Variants in BBS1 observed in about 807,000 individuals in gnomAD.
BBS1 encodes BBSome complex member BBS1.
In BBS1, 60 loss-of-function variants were observed where a neutral mutation model predicts 73.9. The ratio of observed to expected loss-of-function variants is 0.81; its 90% CI spans 0.66 to 1.01. The LOEUF is 1.01. Among genes scored for constraint, BBS1 ranks in the 50% least tolerant of loss-of-function variants. The pLI, the probability that BBS1 is intolerant of heterozygous loss-of-function variation, is 0.00. For synonymous variants in BBS1, 283 were observed against 317.4 expected (o/e 0.89, Z 1.15); for missense variants, 718 against 770.3 (o/e 0.93, Z 0.80).
At chr11:66,526,243 A>C (rs751173108) in intron 12 of BBS1, 51 bp downstream of exon 12, 10 of 1,552,966 alleles carry the variant, frequency 6.4e-6, no homozygotes, top group Non-Finnish European at 7.1e-6. Context: ...GTGAAGGGAC[A>C]GGCCTGCTTC....
Position 66,523,709 on chromosome 11 carries a change from G to A in BBS1, c.952-15G>A, listed in dbSNP as rs1856352205. 1.2e-6 allele frequency: 2 copies of A among 1,610,310 alleles called. No homozygotes were observed. Among genetic ancestry groups the A allele is most frequent in the African/African-American group, 1.3e-5 (1 of 74,936 alleles). On this transcript the variant is annotated splice_polypyrimidine_tract_variant and intron_variant, in intron 10 of 16. Transcript: ENST00000318312. ...AGCCCTGAGCCCTCCACAGACGCTG[G>A]CTGTTCCCTGCCAGGGGAAGAAGCT...
At chr11:66,514,085 G>A (rs1856001710) in intron 3 of BBS1, among the ~76,000 whole-genome samples, 1 of 152,174 alleles carries the variant, frequency 6.6e-6, no homozygotes, top group African/African-American at 2.4e-5. Context: ...AGAAGTGCCT[G>A]GTGTGGAAGA....
chr11:66,513,838 G>C (rs1044125813), intron 3 of BBS1, among the ~76,000 whole-genome samples: 2 of 152,182 alleles, frequency 1.3e-5, no homozygotes, highest in Non-Finnish European at 2.9e-5. Flanking sequence ...AACAAGTTGG[G>C]AACTAGATCA....
intron 14 of BBS1, 93 bp from the exon 15 acceptor site, chr11:66,530,801 T>A (rs1334966627): frequency 3.2e-6 from 5 of 1,550,088 alleles, no homozygotes; most frequent in Non-Finnish European, 4.5e-6. Flanking sequence ...GGAGGGGACA[T>A]GAGGGCATTG....
rs530869450 is a variant in BBS1, at chr11:66,523,298, A to G, written c.831-158A>G. On this transcript the variant is annotated intron_variant, in intron 9 of 16. Coordinates refer to ENST00000318312, the MANE Select transcript of BBS1 (RefSeq NM_024649.5). Reference sequence around the variant, plus strand: ...CACTTGATGTTTTCCAAGGCCACACATTTACTAAGGTGGCAGAAGTGGAAA... The same window carrying G: ...CACTTGATGTTTTCCAAGGCCACACGTTTACTAAGGTGGCAGAAGTGGAAA... 58 of 1,022,522 alleles carry G rather than the reference A, an allele frequency of 5.7e-5. No homozygotes were observed. The African/African-American group carries it at 8.7e-4, about 15-fold the overall frequency. The allele number at this position is 1,022,522 out of a possible 1,614,324, so 63.3% of individuals were successfully genotyped here.
chr11:66,511,488 A>C (rs1855946697), intron 3 of BBS1, among the ~76,000 whole-genome samples: 1 of 152,212 alleles, frequency 6.6e-6, no homozygotes, highest in African/African-American at 2.4e-5. Flanking sequence ...CCTCTTAGTT[A>C]ACCTGATTTC....
Position 66,531,010 on chromosome 11 carries a change from G to T in BBS1, c.1590G>T (p.Leu530=). 1 of 1,614,226 alleles carries T rather than the reference G, an allele frequency of 6.2e-7. No homozygotes were observed. The highest frequency in any genetic ancestry group is 8.5e-7 in the Non-Finnish European group (1 of 1,180,036). ...TGTACAACGAGGCGCTCTATTCCCT[G>T]CCCCGGGCCTTCTTCAAGGTACTGG... ...CFLYNEALYS[L]PRAFFKVPLL... The change falls in exon 15 of 17, where the codon CTG becomes CTT. Residue 530 remains leucine (L), a synonymous_variant. Coordinates refer to ENST00000318312, the MANE Select transcript of BBS1 (RefSeq NM_024649.5).
intron 16 of BBS1, 56 bp downstream of exon 16, chr11:66,531,798 A>G (rs1236378794): frequency 2.5e-6 from 4 of 1,613,490 alleles, no homozygotes; most frequent in Non-Finnish European, 3.4e-6. Context: ...GGAGGACAGT[A>G]AGGGTGAGTG....
Position 66,523,751 on chromosome 11 carries a change from C to G in BBS1, c.979C>G (p.Pro327Ala). The G allele has an allele frequency of 6.2e-7, 1 of 1,612,346 alleles. No homozygotes were observed. Among genetic ancestry groups the G allele is most frequent in the Non-Finnish European group, 8.5e-7 (1 of 1,180,018 alleles). The change falls in exon 11 of 17, where the codon CCC becomes GCC. Residue 327 changes from proline (P) to alanine (A), a missense_variant. Physicochemically the swap from Pro to Ala is conservative, Grantham distance 27. Transcript: ENST00000318312. ...KGKKLWTVQM[P>A]AAILTMNLLE... ...GAAGAAGCTGTGGACAGTGCAGATG[C>G]CCGCAGCCATCCTGACCATGAACCT...
chr11:66,516,345 C>T (rs952724847), intron 7 of BBS1, among the ~76,000 whole-genome samples: 2 of 152,028 alleles, frequency 1.3e-5, no homozygotes, highest in Admixed American at 6.6e-5. Flanking sequence ...AGGCTGGTCT[C>T]GAACTCCTGA....
chr11:66,531,606 A>G (rs1856782933), intron 15 of BBS1, 50 bp from the exon 16 acceptor site: 2 of 1,613,306 alleles, frequency 1.2e-6, no homozygotes, highest in East Asian at 4.5e-5. Context: ...GGAATATGCC[A>G]AACACTGGCA....
Position 66,512,030 on chromosome 11 carries a change from A to ATGTATATGTATATATATG in BBS1, c.159+798_159+799insGTATATATATGTGTATAT, listed in dbSNP as rs1565280734. 8.4e-4 allele frequency among the ~76,000 whole-genome samples: 121 copies of ATGTATATGTATATATATG among 144,858 alleles called. 1 individual carries two copies. The highest frequency in any genetic ancestry group is 3.0e-3 in the African/African-American group (116 of 39,078). ...TATATATATATATATGTGTATATAT[A>ATGTATATGTATATATATG]TGTATATATATGTATATATATGTGT... On this transcript the variant is annotated intron_variant, in intron 3 of 16. Transcript: ENST00000318312.
At chr11:66,519,860 C>G in intron 8 of BBS1, 112 bp downstream of exon 8, 1 of 1,399,454 alleles carries the variant, frequency 7.1e-7, no homozygotes, top group Non-Finnish European at 9.8e-7. Flanking sequence ...AAATTAGAAA[C>G]TAGATAAGCA....
At position 66,524,089 on chromosome 11, in the gene BBS1, A is replaced by G. The variant is rs1791683; in HGVS notation, c.1110+207A>G. 0.57 allele frequency: 384,671 copies of G among 674,796 alleles called. 115,061 individuals carry two copies. The highest frequency in any genetic ancestry group is 0.89 in the African/African-American group (50,196 of 56,410). 41.8% of individuals were successfully genotyped at this position (674,796 alleles called of 1,614,324 possible). Reference sequence around the variant, plus strand: ...GAGGTAAGGAGTTCAAAACCAGCCTAGCCAACATGGCATAACCCCCTTGCT... The same window carrying G: ...GAGGTAAGGAGTTCAAAACCAGCCTGGCCAACATGGCATAACCCCCTTGCT... On this transcript the variant is annotated intron_variant, in intron 11 of 16. Transcript: ENST00000318312.
chr11:66,513,643 C>T (rs886786521), intron 3 of BBS1, among the ~76,000 whole-genome samples: 1 of 152,184 alleles, frequency 6.6e-6, no homozygotes, highest in Non-Finnish European at 1.5e-5. Flanking sequence ...CGCACCACTG[C>T]ACTCCAGCCT....
chr11:66,531,040 T>C lies in BBS1; in HGVS notation c.1608+12T>C. ...GGGCCTTCTTCAAGGTACTGGATGC[T>C]CCTCACTTAGATATGGAGTGGGAAA... On this transcript the variant is annotated intron_variant, in intron 15 of 16. Transcript: ENST00000318312. 1.2e-6 allele frequency: 2 copies of C among 1,614,124 alleles called. No individual in the cohort carries two copies. The highest frequency in any genetic ancestry group is 1.7e-6 in the Non-Finnish European group (2 of 1,179,990).
intron 9 of BBS1, chr11:66,522,708 G>A (rs1205245182): frequency 5.5e-6 from 1 of 181,924 alleles, no homozygotes; most frequent in African/African-American, 2.4e-5. Context: ...TATGCAGTGT[G>A]TGGTATTAGG....
rs777705416 is a variant in BBS1, at chr11:66,523,475, T to G, written c.850T>G (p.Tyr284Asp). Residue 284 changes from tyrosine to aspartate, a missense_variant, in exon 10 of 17, where the codon TAC becomes GAC. Tyr to Asp is a radical substitution (Grantham distance 160). Coordinates refer to ENST00000318312, the MANE Select transcript of BBS1 (RefSeq NM_024649.5). ...ILRRDSKHPKYCIELSAQPVG... is the reference protein window; with the variant it reads ...ILRRDSKHPKDCIELSAQPVG... ...CCACAGAGACTCCAAGCACCCCAAG[T>G]ACTGCATCGAGCTGAGCGCCCAGCC... The G allele has an allele frequency of 1.9e-6, 3 of 1,614,058 alleles. No individual in the cohort carries two copies.
At chr11:66,519,505 T>C (rs576486086) in intron 7 of BBS1, 112 bp from the exon 8 acceptor site, 1 of 1,455,008 alleles carries the variant, frequency 6.9e-7, no homozygotes, top group East Asian at 2.3e-5. Flanking sequence ...ACATCTCTGA[T>C]ATTTCCTCTT....
Sources: gnomAD v4.1 joint callset for allele counts (sites outside exome capture counted in the v4.1 genomes callset) on GRCh38, gnomAD v4.1.1 for gene constraint, MANE v1.5 for transcripts, NCBI Gene and HGNC (gene_info 2026-07-23, HGNC 2026-07-21) for gene names.